The following CACNA2D1 variants were observed in gnomAD, a reference collection of about 807,000 sequenced individuals.
CACNA2D1 encodes the protein voltage-dependent calcium channel subunit alpha-2/delta-1.
A neutral mutation model predicts 171.5 loss-of-function variants in CACNA2D1; 53 were observed. The ratio of observed to expected loss-of-function variants is 0.31; its 90% CI spans 0.25 to 0.39. CACNA2D1 has a LOEUF of 0.39. Ranked by LOEUF, CACNA2D1 falls within the 10% of genes least tolerant of loss-of-function variation. CACNA2D1 has a pLI of 1.00. For synonymous variants in CACNA2D1, 442 were observed against 443.1 expected, an observed-to-expected ratio of 1.00 and a Z score of 0.03; for missense variants, 903 against 1,299.8, an observed-to-expected ratio of 0.69 and a Z score of 4.69.
chr7:82,315,126 C>A (rs193142016), intron 3 of CACNA2D1, among the ~76,000 whole-genome samples: 33 of 151,774 alleles, frequency 2.2e-4, no homozygotes, highest in Admixed American at 2.0e-3. Flanking sequence ...GACAGAGTCT[C>A]AACAACAACA....
At chr7:82,406,063 C>T (rs1309687787) in intron 1 of CACNA2D1, among the ~76,000 whole-genome samples, 2 of 152,064 alleles carry the variant, frequency 1.3e-5, no homozygotes, top group African/African-American at 2.4e-5. Context: ...CGACAGGCCC[C>T]GGTGTGTGGT....
At chr7:82,390,667 A>G (rs1435734337) in intron 1 of CACNA2D1, among the ~76,000 whole-genome samples, 1 of 152,100 alleles carries the variant, frequency 6.6e-6, no homozygotes, top group Non-Finnish European at 1.5e-5. Context: ...CAGCCCCCAT[A>G]CCACCTATTC....
chr7:82,314,475 C>T (rs1347425299), intron 3 of CACNA2D1, among the ~76,000 whole-genome samples: 1 of 152,054 alleles, frequency 6.6e-6, no homozygotes, highest in Non-Finnish European at 1.5e-5. Context: ...CTATAGTCAG[C>T]ACAGCAAACA....
intron 1 of CACNA2D1, among the ~76,000 whole-genome samples, chr7:82,398,179 A>C (rs1825944927): frequency 4.6e-5 from 7 of 152,240 alleles, no homozygotes; most frequent in Admixed American, 4.6e-4. Flanking sequence ...TTAGAGCCCC[A>C]GTCCTAACAT....
At chr7:82,295,714 T>G (rs1812188160) in intron 3 of CACNA2D1, among the ~76,000 whole-genome samples, 1 of 151,678 alleles carries the variant, frequency 6.6e-6, no homozygotes, top group Non-Finnish European at 1.5e-5. Flanking sequence ...AGGGCCAGTT[T>G]GTGACAAAAA....
chr7:82,443,418 G>A lies in CACNA2D1; in HGVS notation c.42C>T (p.Phe14=). The change falls in exon 1 of 39, where the codon TTC becomes TTT. Residue 14 remains phenylalanine, a synonymous_variant. Transcript: ENST00000356860. ...GCLLALTLTL[F]QSLLIGPSSE... ...ACGAGGGGCCGATGAGCAAAGATTG[G>A]AAAAGTGTCAGAGTCAAGGCCAGCA... 4.4e-6 allele frequency: 7 copies of A among 1,607,302 alleles called. No individual in the cohort carries two copies. Among genetic ancestry groups the A allele is most frequent in the Non-Finnish European group, 5.9e-6 (7 of 1,176,540 alleles).
intron 3 of CACNA2D1, among the ~76,000 whole-genome samples, chr7:82,177,859 A>G (rs1410081940): frequency 6.6e-6 from 1 of 152,152 alleles, no homozygotes; most frequent in Non-Finnish European, 1.5e-5. Context: ...TATAAAGATG[A>G]CTAAACACTG....
chr7:82,422,804 C>T lies in CACNA2D1; in HGVS notation c.95+20561G>A, dbSNP rs563848773. Among the ~76,000 whole-genome samples, 19 of 152,044 alleles carry T rather than the reference C, an allele frequency of 1.2e-4. No homozygotes were observed. The South Asian group carries it at 2.9e-3, about 23-fold the overall frequency. ...CTTGGTTTCATTAGGTAAAATCCTA[C>T]GTGCAACACAGAACATCATTGGCAA... On this transcript the variant is annotated intron_variant, in intron 1 of 38. Coordinates refer to ENST00000356860, the MANE Select transcript of CACNA2D1 (RefSeq NM_000722.4).
At chr7:82,187,798 T>C (rs545306379) in intron 3 of CACNA2D1, among the ~76,000 whole-genome samples, 2 of 152,236 alleles carry the variant, frequency 1.3e-5, no homozygotes, top group East Asian at 3.9e-4. Flanking sequence ...ACTGGGTAAC[T>C]TAAACAACAA....
intron 3 of CACNA2D1, among the ~76,000 whole-genome samples, chr7:82,307,533 T>C (rs1003974997): frequency 6.6e-6 from 1 of 150,672 alleles, no homozygotes; most frequent in Non-Finnish European, 1.5e-5. Context: ...AATTTATAAA[T>C]TTATAATTCT....
intron 5 of CACNA2D1, among the ~76,000 whole-genome samples, chr7:82,135,781 C>T (rs369080785): frequency 9.2e-5 from 14 of 151,832 alleles, no homozygotes; most frequent in East Asian, 3.9e-4. Flanking sequence ...TATTTTGATT[C>T]GGATGAGAAA....
rs1795174664 is a variant in CACNA2D1 at position 81,970,665 on chromosome 7, T to C, written c.2204+10A>G. ...ATGTACTTGTTTTTACAGATGTTAT[T>C]TGAACTTACTCTTTGGGATAAACTC... On this transcript the variant is annotated intron_variant, in intron 27 of 38. Coordinates refer to ENST00000356860, the MANE Select transcript of CACNA2D1 (RefSeq NM_000722.4). 1.3e-6 allele frequency: 2 copies of C among 1,489,020 alleles called. No individual in the cohort carries two copies. Among genetic ancestry groups the C allele is most frequent in the Non-Finnish European group, 1.9e-6 (2 of 1,066,636 alleles). The allele number at this position is 1,489,020 out of a possible 1,614,324, so 92.2% of individuals were successfully genotyped here. A position where few individuals can be genotyped will look rare whatever the true frequency, so the allele number is the denominator to read the frequency against.
intron 3 of CACNA2D1, among the ~76,000 whole-genome samples, chr7:82,174,706 C>G (rs140282587): frequency 3.9e-5 from 6 of 151,940 alleles, no homozygotes; most frequent in Non-Finnish European, 7.4e-5. Flanking sequence ...TTAGAAATTA[C>G]TAAAAAATGA....
chr7:82,442,168 A>C (rs1830554567), intron 1 of CACNA2D1, among the ~76,000 whole-genome samples: 1 of 152,204 alleles, frequency 6.6e-6, no homozygotes, highest in Admixed American at 6.5e-5. Flanking sequence ...CTAAGGTAAT[A>C]AATACTTAAA....
chr7:81,986,170 C>T (rs957417244), intron 21 of CACNA2D1, among the ~76,000 whole-genome samples: 3 of 152,230 alleles, frequency 2.0e-5, no homozygotes, highest in Non-Finnish European at 4.4e-5. Context: ...TAGAAGAAAA[C>T]TTGTGAACAG....
At chr7:82,137,818 T>A (rs1407851049) in intron 4 of CACNA2D1, among the ~76,000 whole-genome samples, 1 of 151,432 alleles carries the variant, frequency 6.6e-6, no homozygotes, top group Non-Finnish European at 1.5e-5. Context: ...AGGCGGAGCT[T>A]GCAGTGAGCT....
At chr7:82,179,825 A>G (rs1043866983) in intron 3 of CACNA2D1, among the ~76,000 whole-genome samples, 5 of 152,144 alleles carry the variant, frequency 3.3e-5, no homozygotes, top group Non-Finnish European at 7.3e-5. Context: ...AACAGAAGCT[A>G]TTATATATTA....
intron 4 of CACNA2D1, among the ~76,000 whole-genome samples, chr7:82,145,442 G>T (rs1233070785): frequency 2.3e-5 from 3 of 131,462 alleles, no homozygotes; most frequent in African/African-American, 2.8e-5. Flanking sequence ...TAAATTACAT[G>T]TATAATTTTT....
chr7:82,140,192 C>T (rs143045089), intron 4 of CACNA2D1, among the ~76,000 whole-genome samples: 61 of 152,026 alleles, frequency 4.0e-4, no homozygotes, highest in African/African-American at 4.3e-4. Context: ...TAGAAAACAA[C>T]AAAATGAGAA....
Sources: allele counts gnomAD v4.1 joint callset (sites outside exome capture counted in the v4.1 genomes callset), GRCh38; gene constraint gnomAD v4.1.1; transcripts MANE v1.5; gene names NCBI Gene and HGNC (gene_info 2026-07-23, HGNC 2026-07-21).